Variants in SNX7 observed in about 807,000 individuals in gnomAD.
The protein encoded by SNX7 is sorting nexin-7.
SNX7 carries 35 observed loss-of-function variants against 48.4 expected under a neutral mutation model. That is an observed-to-expected ratio of 0.72 (90% CI 0.55 to 0.96). The LOEUF (loss-of-function observed/expected upper bound fraction) is 0.96. Ranked by LOEUF, SNX7 falls within the 40% of genes least tolerant of loss-of-function variation. SNX7 has a pLI of 0.00. For missense variants in SNX7, 553 were observed against 548.9 expected, an observed-to-expected ratio of 1.01 and a Z score of -0.07; for synonymous variants, 190 against 190.2, an observed-to-expected ratio of 1.00 and a Z score of 0.01.
At chr1:98,676,247 C>A (rs1360830311) in intron 1 of SNX7, among the ~76,000 whole-genome samples, 1 of 151,842 alleles carries the variant, frequency 6.6e-6, no homozygotes, top group Non-Finnish European at 1.5e-5. Flanking sequence ...ATTGTATGTT[C>A]TTCTAAATCA....
chr1:98,699,413 C>T (rs1172737409), intron 6 of SNX7, among the ~76,000 whole-genome samples: 2 of 152,054 alleles, frequency 1.3e-5, no homozygotes, highest in African/African-American at 2.4e-5. Context: ...GCTTTTATTC[C>T]TCTTATATCA....
chr1:98,716,725 T>A (rs990721350), intron 7 of SNX7, among the ~76,000 whole-genome samples: 2 of 152,078 alleles, frequency 1.3e-5, no homozygotes, highest in Non-Finnish European at 2.9e-5. Context: ...ATTTTTTTTT[T>A]CCCAATGGGT....
At position 98,710,948 on chromosome 1, in the gene SNX7, G is replaced by T. The variant is rs149978133; in HGVS notation, c.1125+9045G>T. Among the ~76,000 whole-genome samples the T allele has an allele frequency of 1.8e-4, 28 of 152,198 alleles. 1 individual carries two copies. In the East Asian group the frequency reaches 3.9e-3, roughly 21 times the overall value. On this transcript the variant is annotated intron_variant, in intron 7 of 8. Transcript: ENST00000306121. ...AGGACTTGTGTTAGTAAAAATTTTG[G>T]TAAGTTATAGTATGAATATGTAAAA...
intron 7 of SNX7, among the ~76,000 whole-genome samples, chr1:98,711,916 T>G (rs548499420): frequency 6.6e-6 from 1 of 152,286 alleles, no homozygotes; most frequent in Non-Finnish European, 1.5e-5. Flanking sequence ...TATTCTGAGT[T>G]CTTTGTTGTC....
intron 7 of SNX7, among the ~76,000 whole-genome samples, chr1:98,735,743 T>C (rs1160972491): frequency 6.6e-6 from 1 of 152,262 alleles, no homozygotes; most frequent in African/African-American, 2.4e-5. Context: ...CCCTATGAAA[T>C]GTATGTTATT....
At chr1:98,727,057 A>T (rs552991229) in intron 7 of SNX7, among the ~76,000 whole-genome samples, 3 of 152,276 alleles carry the variant, frequency 2.0e-5, no homozygotes, top group Admixed American at 6.5e-5. Flanking sequence ...AAGAATACAA[A>T]AAATTAGCTG....
At position 98,698,978 on chromosome 1, in the gene SNX7, C is replaced by A. The variant is rs563905463; in HGVS notation, c.1038+73C>A. Reference sequence around the variant, plus strand: ...AAGCTCCATAAAGGCAACTGTATTTCTTTTCTTTAAAACCACTATCTTTTT... The same window carrying A: ...AAGCTCCATAAAGGCAACTGTATTTATTTTCTTTAAAACCACTATCTTTTT... On this transcript the variant is annotated intron_variant, in intron 6 of 8. Coordinates refer to ENST00000306121, the MANE Select transcript of SNX7 (RefSeq NM_015976.5). 56 of 1,434,926 alleles carry A rather than the reference C, an allele frequency of 3.9e-5. No individual in the cohort carries two copies. The East Asian group carries it at 1.2e-3, about 30-fold the overall frequency. 88.9% of individuals were successfully genotyped at this position (1,434,926 alleles called of 1,614,324 possible).
At chr1:98,677,309 A>G (rs1650218356) in intron 1 of SNX7, 1 of 152,138 alleles carries the variant, frequency 6.6e-6, no homozygotes, top group Admixed American at 6.6e-5. Flanking sequence ...AGACAAAACT[A>G]TTGAAGGTGA....
intron 7 of SNX7, among the ~76,000 whole-genome samples, chr1:98,724,379 C>T (rs36046144): frequency 0.26 from 40,021 of 151,370 alleles, 5,621 homozygotes; most frequent in Middle Eastern, 0.31. Flanking sequence ...CCAGAAATGC[C>T]GCTTTTTGTA....
intron 2 of SNX7, among the ~76,000 whole-genome samples, chr1:98,690,440 G>A (rs543942701): frequency 7.9e-5 from 12 of 152,082 alleles, no homozygotes; most frequent in African/African-American, 2.6e-4. Flanking sequence ...TAATTTTTAG[G>A]AGTTTAGGCA....
At chr1:98,700,347 A>G (rs4402149) in intron 6 of SNX7, among the ~76,000 whole-genome samples, 39,252 of 152,044 alleles carry the variant, frequency 0.26, 5,462 homozygotes, top group South Asian at 0.31. Context: ...GCATATGAAA[A>G]CCAGTGCTTC....
intron 7 of SNX7, among the ~76,000 whole-genome samples, chr1:98,723,889 G>A (rs34884312): frequency 3.3e-5 from 5 of 151,756 alleles, no homozygotes; most frequent in African/African-American, 4.8e-5. Context: ...ATTCTATTAC[G>A]GGTGAATATT....
At chr1:98,702,030 A>G (rs554428183) in intron 7 of SNX7, 127 bp downstream of exon 7, 1 of 616,614 alleles carries the variant, frequency 1.6e-6, no homozygotes, top group African/African-American at 1.9e-5. Flanking sequence ...CATTAAGCAA[A>G]TTATAGTAAA....
chr1:98,661,639 G>A (rs539091642), upstream of SNX7: 10 of 1,083,422 alleles, frequency 9.2e-6, no homozygotes, highest in East Asian at 1.2e-4. Context: ...GGGGCCGGCC[G>A]GGGAGGTGCA....
chr1:98,735,576 G>C (rs1206179690), intron 7 of SNX7, among the ~76,000 whole-genome samples: 4 of 152,082 alleles, frequency 2.6e-5, no homozygotes, highest in Middle Eastern at 3.2e-3. Context: ...CATATTACCA[G>C]AGACTAAAAT....
chr1:98,760,207 G>T lies in SNX7; in HGVS notation c.*76G>T. Reference sequence around the variant, plus strand: ...AAGTTATTCTTTCTGGATCTGCCGTGTCCTTATAAAGTGGATGAAAAATGT... The same window carrying T: ...AAGTTATTCTTTCTGGATCTGCCGTTTCCTTATAAAGTGGATGAAAAATGT... On this transcript the variant is annotated 3_prime_UTR_variant, in exon 9 of 9. Transcript: ENST00000306121. 1 of 1,188,530 alleles carries T rather than the reference G, an allele frequency of 8.4e-7. No homozygotes were observed. Among genetic ancestry groups the T allele is most frequent in the Non-Finnish European group, 1.3e-6 (1 of 799,658 alleles). The allele number at this position is 1,188,530 out of a possible 1,614,324, so 73.6% of individuals were successfully genotyped here.
chr1:98,670,760 A>G (rs1570485566), intron 1 of SNX7, among the ~76,000 whole-genome samples: 1 of 152,292 alleles, frequency 6.6e-6, no homozygotes, highest in South Asian at 2.1e-4. Context: ...TCATTAAATG[A>G]CACATGCCTG....
intron 1 of SNX7, among the ~76,000 whole-genome samples, chr1:98,666,739 G>A (rs1432509118): frequency 6.6e-6 from 1 of 152,086 alleles, no homozygotes; most frequent in Non-Finnish European, 1.5e-5. Context: ...TGATCTATAG[G>A]ATATGGTGGA....
chr1:98,733,788 A>T (rs549227360), intron 7 of SNX7, among the ~76,000 whole-genome samples: 1 of 151,902 alleles, frequency 6.6e-6, no homozygotes, highest in Non-Finnish European at 1.5e-5. Flanking sequence ...AACCAACCAG[A>T]TCCTCCCTAT....
Sources: gnomAD v4.1 joint callset for allele counts (sites outside exome capture counted in the v4.1 genomes callset) on GRCh38, gnomAD v4.1.1 for gene constraint, MANE v1.5 for transcripts, NCBI Gene and HGNC (gene_info 2026-07-23, HGNC 2026-07-21) for gene names.